CIMIP6: variants seen among roughly 807,000 people sequenced by gnomAD.
The protein encoded by CIMIP6 is ciliary microtubule inner protein 6.
the CIMIP6 span, among the ~76,000 whole-genome samples, chr2:54,378,666 C>T: frequency 2.4e-4 from 36 of 152,156 alleles, no homozygotes; most frequent in African/African-American, 8.7e-4. Flanking sequence ...ATAACTAAAG[C>T]ATATATAACA....
chr2:54,354,595 A>C, the CIMIP6 span, among the ~76,000 whole-genome samples: 1 of 152,016 alleles, frequency 6.6e-6, no homozygotes, highest in East Asian at 1.9e-4. Context: ...TTCTACTAAG[A>C]ATATATGTTA....
At chr2:54,350,254 ATTTG>A in the CIMIP6 span, among the ~76,000 whole-genome samples, 1 of 152,250 alleles carries the variant, frequency 6.6e-6, no homozygotes, top group Non-Finnish European at 1.5e-5. Context: ...CTTCTGAAAT[ATTTG>A]TTTTAGTTAT....
At chr2:54,361,592 CATT>C in the CIMIP6 span, 1 of 152,028 alleles carries the variant, frequency 6.6e-6, no homozygotes, top group African/African-American at 2.4e-5. Context: ...TAATGAATGT[CATT>C]ATATTTTTTT....
the CIMIP6 span, among the ~76,000 whole-genome samples, chr2:54,370,230 G>T: frequency 6.6e-6 from 1 of 151,996 alleles, no homozygotes. Flanking sequence ...ACTCCAGCCT[G>T]GGCAGCAGAG....
the CIMIP6 span, among the ~76,000 whole-genome samples, chr2:54,355,197 T>C: frequency 1.3e-5 from 2 of 152,218 alleles, no homozygotes; most frequent in African/African-American, 4.8e-5. Context: ...TATTGAGAAA[T>C]TTGATATTAA....
At chr2:54,369,078 T>C in the CIMIP6 span, among the ~76,000 whole-genome samples, 6 of 152,252 alleles carry the variant, frequency 3.9e-5, no homozygotes, top group African/African-American at 1.2e-4. Context: ...GCACAAAGCA[T>C]ACCAGGCCAC....
At chr2:54,337,768 A>T in the CIMIP6 span, among the ~76,000 whole-genome samples, 1 of 152,182 alleles carries the variant, frequency 6.6e-6, no homozygotes, top group Non-Finnish European at 1.5e-5. Flanking sequence ...TGGACCTTTA[A>T]GAGATGGTGA....
chr2:54,350,105 C>G, the CIMIP6 span, among the ~76,000 whole-genome samples: 1 of 152,224 alleles, frequency 6.6e-6, no homozygotes, highest in Admixed American at 6.5e-5. Flanking sequence ...ATCCACCTGC[C>G]TTGGCCTCCC....
the CIMIP6 span, among the ~76,000 whole-genome samples, chr2:54,364,939 C>A: frequency 6.6e-6 from 1 of 152,042 alleles, no homozygotes; most frequent in Non-Finnish European, 1.5e-5. Context: ...GGAGAGAACA[C>A]AAACAAGCAA....
At chr2:54,343,712 C>G in the CIMIP6 span, 1 of 1,573,486 alleles carries the variant, frequency 6.4e-7, no homozygotes, top group Non-Finnish European at 8.6e-7. Context: ...CAATTATTTT[C>G]TATAAAGGGT....
At chr2:54,344,758 T>C in the CIMIP6 span, among the ~76,000 whole-genome samples, 1 of 152,016 alleles carries the variant, frequency 6.6e-6, no homozygotes, top group Non-Finnish European at 1.5e-5. Flanking sequence ...ATTAGAATTA[T>C]GCCAGTTAAA....
At chr2:54,381,776 TA>T in the CIMIP6 span, 1 of 1,471,084 alleles carries the variant, frequency 6.8e-7, no homozygotes, top group Non-Finnish European at 9.0e-7. Flanking sequence ...CCATCTGATT[TA>T]ACGCTTGATT....
chr2:54,366,629 A>C, the CIMIP6 span, among the ~76,000 whole-genome samples: 1 of 152,190 alleles, frequency 6.6e-6, no homozygotes, highest in Non-Finnish European at 1.5e-5. Context: ...CTTAAAAACA[A>C]ATCAGAGATA....
At chr2:54,371,412 G>C in the CIMIP6 span, among the ~76,000 whole-genome samples, 1 of 152,204 alleles carries the variant, frequency 6.6e-6, no homozygotes, top group Non-Finnish European at 1.5e-5. Context: ...TTCACCCACA[G>C]TCATCTTGGG....
the CIMIP6 span, among the ~76,000 whole-genome samples, chr2:54,332,030 CA>C: frequency 2.0e-5 from 3 of 152,164 alleles, no homozygotes; most frequent in Non-Finnish European, 4.4e-5. Flanking sequence ...GTATTTCTAA[CA>C]AGGTCACAAT....
the CIMIP6 span, among the ~76,000 whole-genome samples, chr2:54,349,537 C>A: frequency 7.9e-5 from 12 of 152,192 alleles, no homozygotes; most frequent in African/African-American, 2.9e-4. Context: ...GAGTGGATTT[C>A]AAACATTCTT....
At chr2:54,380,503 T>A in the CIMIP6 span, among the ~76,000 whole-genome samples, 118 of 152,266 alleles carry the variant, frequency 7.7e-4, 1 homozygote, top group African/African-American at 2.8e-3. Context: ...TCCAGCTGAT[T>A]GATAACTTTC....
At chr2:54,357,554 C>A in the CIMIP6 span, among the ~76,000 whole-genome samples, 1 of 149,210 alleles carries the variant, frequency 6.7e-6, no homozygotes, top group Admixed American at 6.7e-5. Context: ...CAGATATGTT[C>A]GTTGTACATA....
the CIMIP6 span, among the ~76,000 whole-genome samples, chr2:54,377,896 T>A: frequency 6.6e-6 from 1 of 152,184 alleles, no homozygotes; most frequent in African/African-American, 2.4e-5. Context: ...AAGAAAAAGA[T>A]AAAGCTGGTA....
Sources: allele counts gnomAD v4.1 joint callset (sites outside exome capture counted in the v4.1 genomes callset), GRCh38; gene constraint gnomAD v4.1.1; transcripts MANE v1.5; gene names NCBI Gene and HGNC (gene_info 2026-07-23, HGNC 2026-07-21).